The following SRRM3 variants were observed in gnomAD, a reference collection of about 807,000 sequenced individuals.
SRRM3 encodes the protein serine/arginine repetitive matrix protein 3.
In SRRM3, 27 loss-of-function variants were observed where a neutral mutation model predicts 66.2. That is an observed-to-expected ratio of 0.41 (90% CI 0.30 to 0.56). SRRM3 has a LOEUF of 0.56. Among genes scored for constraint, SRRM3 ranks in the 20% least tolerant of loss-of-function variants. The pLI is 0.32. For synonymous variants in SRRM3, 391 were observed against 414.9 expected (o/e 0.94, Z 0.70); for missense variants, 918 against 991.9 (o/e 0.93, Z 1.00).
At chr7:76,246,045 C>T (rs952775194) in intron 2 of SRRM3, among the ~76,000 whole-genome samples, 4 of 152,028 alleles carry the variant, frequency 2.6e-5, no homozygotes, top group African/African-American at 9.7e-5. Flanking sequence ...TCATCCCTAC[C>T]TCCCCCTCAC....
At chr7:76,216,831 C>A (rs1583871732) in intron 1 of SRRM3, among the ~76,000 whole-genome samples, 1 of 152,278 alleles carries the variant, frequency 6.6e-6, no homozygotes, top group African/African-American at 2.4e-5. Flanking sequence ...GAGGCTGTTG[C>A]CTAGCAACGA....
At chr7:76,260,794 C>T (rs1461888942) in intron 5 of SRRM3, 80 bp from the exon 6 acceptor site, 41 of 1,383,980 alleles carry the variant, frequency 3.0e-5, no homozygotes, top group Non-Finnish European at 3.5e-5. Context: ...CCCTGTCCTG[C>T]GTGAGACCCT....
chr7:76,215,274 A>G (rs1800530702), intron 1 of SRRM3, among the ~76,000 whole-genome samples: 1 of 151,924 alleles, frequency 6.6e-6, no homozygotes, highest in East Asian at 1.9e-4. Context: ...TTGGGAAGAG[A>G]GAAAAAAAAA....
chr7:76,246,108 G>C (rs191513131), intron 2 of SRRM3, among the ~76,000 whole-genome samples: 1 of 152,290 alleles, frequency 6.6e-6, no homozygotes. Context: ...CAGAGAGAAA[G>C]GTTTGGGACA....
chr7:76,261,919 CTCGCGAGGCAG>C (rs1801882406), intron 8 of SRRM3, among the ~76,000 whole-genome samples: 2 of 151,576 alleles, frequency 1.3e-5, no homozygotes, highest in African/African-American at 4.8e-5. Context: ...AGGGAAACAG[CTCGCGAGGCAG>C]GAGGACCTCT....
intron 1 of SRRM3, among the ~76,000 whole-genome samples, chr7:76,226,600 T>TTTATTTA (rs1563613612): frequency 1.1e-4 from 16 of 140,642 alleles, no homozygotes; most frequent in Non-Finnish European, 1.9e-4. Flanking sequence ...TTATTTATTT[T>TTTATTTA]ATTTTTTGAG....
chr7:76,271,179 A>G (rs1163852932), intron 11 of SRRM3, among the ~76,000 whole-genome samples: 1 of 151,450 alleles, frequency 6.6e-6, no homozygotes, highest in Non-Finnish European at 1.5e-5. Flanking sequence ...ATCCAAAAGT[A>G]GACCCCAGGC....
intron 1 of SRRM3, among the ~76,000 whole-genome samples, chr7:76,211,671 CT>C (rs1216532172): frequency 1.3e-5 from 2 of 152,114 alleles, no homozygotes; most frequent in Non-Finnish European, 2.9e-5. Context: ...CCCAGAACCG[CT>C]GCAGCCATGG....
At position 76,239,587 on chromosome 7, in the gene SRRM3, C is replaced by A. The variant is rs1027526991; in HGVS notation, c.233+4288C>A. On this transcript the variant is annotated intron_variant, in intron 2 of 14. Coordinates refer to ENST00000611745, the MANE Select transcript of SRRM3 (RefSeq NM_001110199.3). Reference sequence around the variant, plus strand: ...GTGTGGTGGCACATGCCTGTGGTCCCAGCTACTCAGAAGGCTGAGGTGAGA... The same window carrying A: ...GTGTGGTGGCACATGCCTGTGGTCCAAGCTACTCAGAAGGCTGAGGTGAGA... 5.3e-5 allele frequency among the ~76,000 whole-genome samples: 8 copies of A among 152,128 alleles called. No homozygotes were observed. In the East Asian group the frequency reaches 1.6e-3, roughly 30 times the overall value.
chr7:76,271,972 A>G (rs573773951), intron 11 of SRRM3, among the ~76,000 whole-genome samples: 13 of 152,170 alleles, frequency 8.5e-5, no homozygotes, highest in Non-Finnish European at 1.8e-4. Context: ...CAGTTCATAC[A>G]TGTGGGGAAA....
intron 1 of SRRM3, among the ~76,000 whole-genome samples, chr7:76,221,543 T>C (rs782215629): frequency 1.3e-5 from 2 of 152,000 alleles, no homozygotes; most frequent in Middle Eastern, 3.4e-3. Context: ...TTCATATTTT[T>C]AGTAGAGACG....
chr7:76,282,382 G>C (rs1320102564), intron 12 of SRRM3, among the ~76,000 whole-genome samples: 1 of 130,970 alleles, frequency 7.6e-6, no homozygotes, highest in Non-Finnish European at 1.6e-5. Context: ...CTCCCATGAG[G>C]CTCCCCGCTT....
In SRRM3 at chr7:76,285,832, G is replaced by T. The variant is rs782363037; in HGVS notation, c.1951G>T (p.Gly651Trp). The T allele has an allele frequency of 1.3e-6, 2 of 1,549,426 alleles. No individual in the cohort carries two copies. Among genetic ancestry groups the T allele is most frequent in the Non-Finnish European group, 1.7e-6 (2 of 1,146,244 alleles). Residue 651 changes from glycine (G) to tryptophan (W), a missense_variant, in exon 15 of 15, where the codon GGG (glycine) becomes TGG (tryptophan). Transcript: ENST00000611745. This position sits in a 1 kb window ranked among gnomAD's most constrained non-coding sequence, Gnocchi z 4.1. ...SYHSRSSSES[G>W]GF ...CCACAGCCGGAGCAGCTCTGAGAGC[G>T]GGGGCTTCTGAGCCCAGACAGACTC... is the stretch of plus-strand genomic sequence containing the variant.
intron 14 of SRRM3, among the ~76,000 whole-genome samples, chr7:76,284,303 T>G (rs141129951): frequency 0.022 from 3,364 of 151,922 alleles, 61 homozygotes; most frequent in Non-Finnish European, 0.032. Flanking sequence ...GCCTCCCAAG[T>G]AGCTGGCATT....
At chr7:76,245,860 T>C (rs554940705) in intron 2 of SRRM3, among the ~76,000 whole-genome samples, 1 of 152,224 alleles carries the variant, frequency 6.6e-6, no homozygotes, top group South Asian at 2.1e-4. Flanking sequence ...CACACTCAGC[T>C]AATTTTTTTA....
In SRRM3 at chr7:76,282,841, C is replaced by G; in HGVS notation, c.1564C>G (p.Arg522Gly). 1 of 1,455,454 alleles carries G rather than the reference C, an allele frequency of 6.9e-7. No individual in the cohort carries two copies. The highest frequency in any genetic ancestry group is 9.0e-7 in the Non-Finnish European group (1 of 1,108,744). The allele number at this position is 1,455,454 out of a possible 1,614,324, so 90.2% of individuals were successfully genotyped here. A position where few individuals can be genotyped will look rare whatever the true frequency, so the allele number is the denominator to read the frequency against. ...GGAGAAGCGGCCCCACAGCCCCAGC[C>G]GCTCGCCGTCGCCCAAGAAGCCCCT... ...SAEKRPHSPS[R>G]SPSPKKPLSR... Residue 522 changes from arginine to glycine, a missense_variant, in exon 13 of 15, where the codon CGC becomes GGC. Physicochemically the swap from Arg to Gly is moderately radical, Grantham distance 125. Transcript: ENST00000611745.
In SRRM3 at chr7:76,285,682, G is replaced by A. The variant is rs1477614722; in HGVS notation, c.1801G>A (p.Asp601Asn). 1.3e-5 allele frequency: 20 copies of A among 1,551,080 alleles called. No homozygotes were observed. Among genetic ancestry groups the A allele is most frequent in the Middle Eastern group, 1.7e-4 (1 of 5,830 alleles). ...PSSSSSCLSS[D>N]YSTRSHSRSP... ...TTCCTCCTCCAGCTGCTTGAGCAGC[G>A]ACTACTCGACCCGGAGCCACAGCCG... Residue 601 changes from aspartate to asparagine, a missense_variant, in exon 15 of 15, where the codon GAC becomes AAC. By Grantham distance (23) the Asp-to-Asn change is conservative. Transcript: ENST00000611745. The surrounding 1 kb of genome is among the most constrained non-coding windows in gnomAD (Gnocchi z 4.1).
intron 2 of SRRM3, among the ~76,000 whole-genome samples, chr7:76,236,654 A>AGCCAGGATCAAGAGCCCTGCTGGCT (rs1433359626): frequency 1.3e-5 from 2 of 152,232 alleles, no homozygotes; most frequent in Non-Finnish European, 2.9e-5. Flanking sequence ...GCCAAGGCGG[A>AGCCAGGATCAAGAGCCCTGCTGGCT]GCCAGGATCA....
Position 76,259,196 on chromosome 7 carries a change from G to A in SRRM3, c.336-710G>A, listed in dbSNP as rs563533802. Among the ~76,000 whole-genome samples, 37 of 149,768 alleles carry A rather than the reference G, an allele frequency of 2.5e-4. No individual in the cohort carries two copies. In the South Asian group the frequency reaches 7.6e-3, roughly 31 times the overall value. ...TAGGGGCACAGGGATCAAATGGGGGGTTCACTGAGGGGGAGGGCTTCAATG... is the reference window on the plus strand; with the variant it reads ...TAGGGGCACAGGGATCAAATGGGGGATTCACTGAGGGGGAGGGCTTCAATG... On this transcript the variant is annotated intron_variant, in intron 3 of 14. Coordinates refer to ENST00000611745, the MANE Select transcript of SRRM3 (RefSeq NM_001110199.3).
Sources: gnomAD v4.1 joint callset for allele counts (sites outside exome capture counted in the v4.1 genomes callset) on GRCh38, gnomAD v4.1.1 for gene constraint, Gnocchi (gnomAD v3.1) non-coding constraint, MANE v1.5 for transcripts, NCBI Gene and HGNC (gene_info 2026-07-23, HGNC 2026-07-21) for gene names.